The following VWA5B2 variants were observed in gnomAD, a reference collection of about 807,000 sequenced individuals.
The protein encoded by VWA5B2 is von Willebrand factor A domain-containing protein 5B2.
Under a neutral mutation model 118.5 loss-of-function variants are expected in VWA5B2, and 93 were observed. That is an observed-to-expected ratio of 0.79 (90% CI 0.66 to 0.93). VWA5B2 has a LOEUF of 0.93. Among genes scored for constraint, VWA5B2 ranks in the 40% least tolerant of loss-of-function variants. VWA5B2 has a pLI of 0.00. For synonymous variants in VWA5B2, 708 were observed against 716.3 expected (o/e 0.99, Z 0.19); for missense variants, 1,546 against 1,672.8 (o/e 0.92, Z 1.32).
At position 184,239,732 on chromosome 3, in the gene VWA5B2, G is replaced by A. The variant is rs1718366301; in HGVS notation, c.2436G>A (p.Met812Ile). The change falls in exon 16 of 20, where the codon ATG becomes ATA. Residue 812 changes from methionine to isoleucine, a missense_variant. Met to Ile is a conservative substitution (Grantham distance 10). Around this residue, in one of 3 missense-constraint regions of VWA5B2, gnomAD observed 763 missense variants for 766.6 expected, o/e 1.00. Coordinates refer to ENST00000691901, the MANE Select transcript of VWA5B2 (RefSeq NM_001390846.1). This position sits in a 1 kb window ranked among gnomAD's most constrained non-coding sequence, Gnocchi z 5.1. ...CCCCTATGGACTGGGACATGCTGAT[G>A]GAACCACCCTTCTTATTCACGGCTG... The part of the protein sequence containing the change: ...SPAPMDWDML[M>I]EPPFLFTAVP... 1.3e-6 allele frequency: 2 copies of A among 1,497,520 alleles called. No homozygotes were observed. Among genetic ancestry groups the A allele is most frequent in the Non-Finnish European group, 9.0e-7 (1 of 1,117,074 alleles). The allele number at this position is 1,497,520 out of a possible 1,614,324, so 92.8% of individuals were successfully genotyped here. A position where few individuals can be genotyped will look rare whatever the true frequency, so the allele number is the denominator to read the frequency against.
rs1344104225 is a variant in VWA5B2 at position 184,241,920 on chromosome 3, C to T, written c.3611C>T (p.Pro1204Leu). The T allele has an allele frequency of 2.7e-5, 42 of 1,547,572 alleles. No homozygotes were observed. Among genetic ancestry groups the T allele is most frequent in the Non-Finnish European group, 3.7e-5 (42 of 1,146,332 alleles). Reference protein sequence around the residue: ...ADCWLRAQHLPDGLDLAALKA... With the variant: ...ADCWLRAQHLLDGLDLAALKA... ...TGCTGGCTGCGGGCCCAGCACTTGC[C>T]TGACGGCCTTGACCTGGCCGCCCTC... The change falls in exon 20 of 20, where the codon CCT becomes CTT. Residue 1204 changes from proline to leucine, a missense_variant. Pro to Leu is a moderately conservative substitution (Grantham distance 98). This residue lies in a region of VWA5B2 where 763 missense variants were observed against 766.6 expected (regional missense o/e 1.00). Coordinates refer to ENST00000691901, the MANE Select transcript of VWA5B2 (RefSeq NM_001390846.1). This position sits in a 1 kb window ranked among gnomAD's most constrained non-coding sequence, Gnocchi z 5.1.
At chr3:184,229,774 T>A (rs2108412772) in intron 1 of VWA5B2, among the ~76,000 whole-genome samples, 61 bp downstream of exon 1, 1 of 152,162 alleles carries the variant, frequency 6.6e-6, no homozygotes, top group Middle Eastern at 3.4e-3. Flanking sequence ...CGGCATCCCC[T>A]GCGCGGGCCG....
rs1718125048 is a variant in VWA5B2, at chr3:184,237,456, G to C, written c.1719+45G>C. 2 of 1,516,904 alleles carry C rather than the reference G, an allele frequency of 1.3e-6. No individual in the cohort carries two copies. The highest frequency in any genetic ancestry group is 2.0e-5 in the Admixed American group (1 of 49,224). The allele number at this position is 1,516,904 out of a possible 1,614,324, so 94.0% of individuals were successfully genotyped here. On this transcript the variant is annotated intron_variant, in intron 12 of 19. Transcript: ENST00000691901. The surrounding 1 kb of genome is among the most constrained non-coding windows in gnomAD (Gnocchi z 5.6). ...TGGTAGGGGGGCTAGGGTGAGGTAGGGGGGCCTGGGATGGCTGAAGTCCCC... is the reference window on the plus strand; with the variant it reads ...TGGTAGGGGGGCTAGGGTGAGGTAGCGGGGCCTGGGATGGCTGAAGTCCCC...
chr3:184,230,371 C>G lies in VWA5B2; in HGVS notation c.-149-9C>G. ...CCCCCTTATCTCCCCCGCCACCTGT[C>G]GCCCTCAGGAGCTCCCGCTCGGCCT... On this transcript the variant is annotated splice_polypyrimidine_tract_variant and intron_variant, in intron 1 of 19. Coordinates refer to ENST00000691901, the MANE Select transcript of VWA5B2 (RefSeq NM_001390846.1). 1.2e-6 allele frequency: 1 copy of G among 868,516 alleles called. No individual in the cohort carries two copies. The highest frequency in any genetic ancestry group is 4.4e-5 in the Admixed American group (1 of 22,882). The allele number at this position is 868,516 out of a possible 1,614,324, so 53.8% of individuals were successfully genotyped here.
chr3:184,239,688 G>A lies in VWA5B2; in HGVS notation c.2393-1G>A, dbSNP rs977640650. 11 of 1,465,840 alleles carry A rather than the reference G, an allele frequency of 7.5e-6. No homozygotes were observed. The African/African-American group carries it at 1.3e-4, about 17-fold the overall frequency. 90.8% of individuals were successfully genotyped at this position (1,465,840 alleles called of 1,614,324 possible). A position where few individuals can be genotyped will look rare whatever the true frequency, so the allele number is the denominator to read the frequency against. On this transcript the variant is annotated splice_acceptor_variant, in intron 15 of 19. Transcript: ENST00000691901. LOFTEE classifies it high-confidence loss of function. This position sits in a 1 kb window ranked among gnomAD's most constrained non-coding sequence, Gnocchi z 5.1. Reference sequence around the variant, plus strand: ...ATGCCCCTGCTGTCTTGCCTCCCCAGGAAACCTGCTCTCCCCAGCCCCTAT... The same window carrying A: ...ATGCCCCTGCTGTCTTGCCTCCCCAAGAAACCTGCTCTCCCCAGCCCCTAT...
Position 184,237,434 on chromosome 3 carries a change from TAGG to T in VWA5B2, c.1719+24_1719+26del, listed in dbSNP as rs1279093962. 2 of 1,532,830 alleles carry T rather than the reference TAGG, an allele frequency of 1.3e-6. No individual in the cohort carries two copies. The highest frequency in any genetic ancestry group is 2.7e-5 in the African/African-American group (2 of 72,812). 95.0% of individuals were successfully genotyped at this position (1,532,830 alleles called of 1,614,324 possible). ...GGGGTAAGCTTGGGCTGGGGTGTGG[TAGG>T]GGGGCTAGGGTGAGGTAGGGGGGCC... On this transcript the variant is annotated intron_variant, in intron 12 of 19. Transcript: ENST00000691901. The surrounding 1 kb of genome is among the most constrained non-coding windows in gnomAD (Gnocchi z 5.6).
At chr3:184,236,109 C>T (rs375478915) in intron 8 of VWA5B2, 43 bp from the exon 9 acceptor site, 12 of 1,505,912 alleles carry the variant, frequency 8.0e-6, no homozygotes, top group East Asian at 7.4e-5. Context: ...TGTATCAGGG[C>T]CCATGGGGCC....
chr3:184,229,606 A>G lies in VWA5B2; in HGVS notation c.-257A>G, dbSNP rs710444. 0.3 allele frequency among the ~76,000 whole-genome samples: 45,084 copies of G among 152,082 alleles called. 7,097 individuals carry two copies. The highest frequency in any genetic ancestry group is 0.4 in the African/African-American group (16,748 of 41,496). ...ACTCAGAGCCGCTGCAGCCACAGTCACGAACTGGCGGCCGGCAGGTGCCGG... is the reference window on the plus strand; with the variant it reads ...ACTCAGAGCCGCTGCAGCCACAGTCGCGAACTGGCGGCCGGCAGGTGCCGG... On this transcript the variant is annotated 5_prime_UTR_variant, in exon 1 of 20. Coordinates refer to ENST00000691901, the MANE Select transcript of VWA5B2 (RefSeq NM_001390846.1).
rs555969227 is a variant in VWA5B2 at position 184,233,200 on chromosome 3, C to G, written c.333C>G (p.Ala111=). The G allele has an allele frequency of 1.3e-6, 2 of 1,550,952 alleles. No homozygotes were observed. The highest frequency in any genetic ancestry group is 2.0e-5 in the Admixed American group (1 of 50,932). ...TAGGTCATCTTGTCTTGGATCTGGC[C>G]CAGGCCCGGTCCACGTTGGTGCTGC... ...CAQGHLVLDL[A]QARSTLVLPT... Residue 111 remains alanine, a synonymous_variant, in exon 4 of 20, where the codon GCC becomes GCG. Coordinates refer to ENST00000691901, the MANE Select transcript of VWA5B2 (RefSeq NM_001390846.1). This position sits in a 1 kb window ranked among gnomAD's most constrained non-coding sequence, Gnocchi z 5.2.
In VWA5B2 at chr3:184,233,640, G is replaced by A; in HGVS notation, c.595G>A (p.Ala199Thr). The A allele has an allele frequency of 6.4e-7, 1 of 1,551,274 alleles. No individual in the cohort carries two copies. The highest frequency in any genetic ancestry group is 8.7e-7 in the Non-Finnish European group (1 of 1,146,942). Residue 199 changes from alanine (A) to threonine (T), a missense_variant, in exon 5 of 20, where the codon GCC becomes ACC. This residue lies in a region of VWA5B2 where 775 missense variants were observed against 882.3 expected (regional missense o/e 0.88). Transcript: ENST00000691901. The surrounding 1 kb of genome is among the most constrained non-coding windows in gnomAD (Gnocchi z 5.2). ...EEGLAWEELA[A>T]PRDVFSGPAR... ...AGGGCTGGCCTGGGAGGAGCTGGCT[G>A]CCCCTCGGGACGTGTTCTCAGGCCC...
rs1718205069 is a variant in VWA5B2, at chr3:184,238,284, C to T, written c.1720-19C>T. ...CACATAACTGCAGTTAATTTTTTTC[C>T]CAATAATATTCTCTCTAGGGCCAAG... On this transcript the variant is annotated intron_variant, in intron 12 of 19. Transcript: ENST00000691901. The surrounding 1 kb of genome is among the most constrained non-coding windows in gnomAD (Gnocchi z 5.0). 1 of 1,462,026 alleles carries T rather than the reference C, an allele frequency of 6.8e-7. No homozygotes were observed. Among genetic ancestry groups the T allele is most frequent in the Non-Finnish European group, 9.1e-7 (1 of 1,101,702 alleles). The allele number at this position is 1,462,026 out of a possible 1,614,324, so 90.6% of individuals were successfully genotyped here.
At chr3:184,230,330 G>A (rs1379237136) in intron 1 of VWA5B2, 50 bp from the exon 2 acceptor site, 10 of 573,710 alleles carry the variant, frequency 1.7e-5, no homozygotes, top group Admixed American at 8.9e-5. Flanking sequence ...TGCCCTCCTC[G>A]CCACCACGCC....
rs888747561 is a variant in VWA5B2 at position 184,240,874 on chromosome 3, G to A, written c.2824G>A (p.Val942Met). The change falls in exon 17 of 20, where the codon GTG becomes ATG. Residue 942 changes from valine to methionine, a missense_variant. Physicochemically the swap from Val to Met is conservative, Grantham distance 21. Around this residue, in one of 3 missense-constraint regions of VWA5B2, gnomAD observed 763 missense variants for 766.6 expected, o/e 1.00. Coordinates refer to ENST00000691901, the MANE Select transcript of VWA5B2 (RefSeq NM_001390846.1). ...CTCCTGCTTCACTTGCCCTGTAGCT[G>A]TGGATGCTACTACTAGGGAGGTCCT... ...APSCFTCPVA[V>M]DATTREVLPG... 3.9e-6 allele frequency: 6 copies of A among 1,551,582 alleles called. No individual in the cohort carries two copies. In the African/African-American group the frequency reaches 6.8e-5, roughly 18 times the overall value.
Position 184,241,710 on chromosome 3 carries a change from C to T in VWA5B2, c.3401C>T (p.Ser1134Phe), listed in dbSNP as rs1222442887. 4.6e-6 allele frequency: 7 copies of T among 1,508,898 alleles called. No individual in the cohort carries two copies. The East Asian group carries it at 1.7e-4, about 37-fold the overall frequency. 93.5% of individuals were successfully genotyped at this position (1,508,898 alleles called of 1,614,324 possible). Reference protein sequence around the residue: ...ASCSPSPSSGSEGPGQVDSGR... With the variant: ...ASCSPSPSSGFEGPGQVDSGR... ...TGCAGCCCGTCCCCCAGCTCGGGCT[C>T]TGAGGGGCCAGGCCAGGTGGACAGT... The change falls in exon 20 of 20, where the codon TCT (serine) becomes TTT (phenylalanine). Residue 1134 changes from serine to phenylalanine, a missense_variant. Physicochemically the swap from Ser to Phe is radical, Grantham distance 155 (BLOSUM62 -2). This residue lies in a region of VWA5B2 where 763 missense variants were observed against 766.6 expected (regional missense o/e 1.00). Coordinates refer to ENST00000691901, the MANE Select transcript of VWA5B2 (RefSeq NM_001390846.1). This position sits in a 1 kb window ranked among gnomAD's most constrained non-coding sequence, Gnocchi z 5.1.
rs28606531 is a variant in VWA5B2 at position 184,241,720 on chromosome 3, A to C, written c.3411A>C (p.Pro1137=). 0.14 allele frequency: 214,558 copies of C among 1,501,324 alleles called. 16,924 individuals are homozygous for C. The highest frequency in any genetic ancestry group is 0.16 in the Non-Finnish European group (181,358 of 1,127,404). 93.0% of individuals were successfully genotyped at this position (1,501,324 alleles called of 1,614,324 possible). A position where few individuals can be genotyped will look rare whatever the true frequency, so the allele number is the denominator to read the frequency against. The change falls in exon 20 of 20, where the codon CCA becomes CCC. Residue 1137 remains proline, a synonymous_variant. Coordinates refer to ENST00000691901, the MANE Select transcript of VWA5B2 (RefSeq NM_001390846.1). The surrounding 1 kb of genome is among the most constrained non-coding windows in gnomAD (Gnocchi z 5.1). The part of the protein sequence containing the change: ...SPSPSSGSEG[P]GQVDSGRGSD... The stretch of plus-strand genomic sequence containing the variant: ...CCCCCAGCTCGGGCTCTGAGGGGCC[A>C]GGCCAGGTGGACAGTGGGCGGGGCT...
rs1717256829 is a variant in VWA5B2 at position 184,230,393 on chromosome 3, G to A, written c.-136G>A. Reference sequence around the variant, plus strand: ...TGTCGCCCTCAGGAGCTCCCGCTCGGCCTCGCGCCCCGGCAGGCCCCGTCC... The same window carrying A: ...TGTCGCCCTCAGGAGCTCCCGCTCGACCTCGCGCCCCGGCAGGCCCCGTCC... On this transcript the variant is annotated 5_prime_UTR_variant, in exon 2 of 20. Transcript: ENST00000691901. The A allele has an allele frequency of 6.3e-6, 7 of 1,114,872 alleles. No homozygotes were observed. Among genetic ancestry groups the A allele is most frequent in the Non-Finnish European group, 8.1e-6 (7 of 859,694 alleles). 69.1% of individuals were successfully genotyped at this position (1,114,872 alleles called of 1,614,324 possible).
Position 184,241,283 on chromosome 3 carries a change from C to T in VWA5B2, c.3059C>T (p.Pro1020Leu). The T allele has an allele frequency of 6.4e-7, 1 of 1,551,390 alleles. No homozygotes were observed. The highest frequency in any genetic ancestry group is 8.7e-7 in the Non-Finnish European group (1 of 1,146,992). ...GACCCTGCCACTCCCACGGAAGGTC[C>T]TCGCCGCCCACCTCCCCGTCCTCCC... ...LGDPATPTEG[P>L]RRPPPRPPCR... The change falls in exon 19 of 20, where the codon CCT becomes CTT. Residue 1020 changes from proline (P) to leucine (L), a missense_variant. Pro to Leu is a moderately conservative substitution (Grantham distance 98). Around this residue, in one of 3 missense-constraint regions of VWA5B2, gnomAD observed 763 missense variants for 766.6 expected, o/e 1.00. Transcript: ENST00000691901. This position sits in a 1 kb window ranked among gnomAD's most constrained non-coding sequence, Gnocchi z 5.1.
At position 184,241,256 on chromosome 3, in the gene VWA5B2, G is replaced by A. The variant is rs1230019497; in HGVS notation, c.3032G>A (p.Gly1011Glu). ...DQNGNSKRAL[G>E]DPATPTEGPR... The stretch of plus-strand genomic sequence containing the variant: ...AATGGCAACTCCAAGCGTGCTTTGG[G>A]GGACCCTGCCACTCCCACGGAAGGT... Residue 1011 changes from glycine to glutamate, a missense_variant, in exon 19 of 20, where the codon GGG becomes GAG. Coordinates refer to ENST00000691901, the MANE Select transcript of VWA5B2 (RefSeq NM_001390846.1). This position sits in a 1 kb window ranked among gnomAD's most constrained non-coding sequence, Gnocchi z 5.1. 6 of 1,551,184 alleles carry A rather than the reference G, an allele frequency of 3.9e-6. No individual in the cohort carries two copies. The highest frequency in any genetic ancestry group is 5.2e-6 in the Non-Finnish European group (6 of 1,146,972).
chr3:184,231,332 C>T (rs927335137), intron 3 of VWA5B2, among the ~76,000 whole-genome samples: 3 of 152,026 alleles, frequency 2.0e-5, no homozygotes, highest in Non-Finnish European at 4.4e-5. Context: ...AGCCAAGGCC[C>T]TCGCTCTCAC....
Sources: gnomAD v4.1 joint callset for allele counts (sites outside exome capture counted in the v4.1 genomes callset) on GRCh38, gnomAD v4.1.1 for gene constraint, gnomAD v4.1.1 regional missense constraint, Gnocchi (gnomAD v3.1) non-coding constraint, MANE v1.5 for transcripts, NCBI Gene and HGNC (gene_info 2026-07-23, HGNC 2026-07-21) for gene names.